CTNNA2: variants seen among roughly 807,000 people sequenced by gnomAD.
The protein encoded by CTNNA2 is catenin alpha 2, also known as catenin alpha-2.
CTNNA2 carries 42 observed loss-of-function variants against 101.0 expected under a neutral mutation model. That is an observed-to-expected ratio of 0.42 (90% CI 0.32 to 0.54). The LOEUF (loss-of-function observed/expected upper bound fraction) is 0.54, where lower values mean the gene tolerates loss of function less well. CTNNA2 is among the 20% of genes least tolerant of loss of function. The pLI is 0.14. For synonymous variants in CTNNA2, 450 were observed against 456.4 expected (o/e 0.99, Z 0.18); for missense variants, 871 against 1,223.1 (o/e 0.71, Z 4.29).
intron 7 of CTNNA2, among the ~76,000 whole-genome samples, chr2:80,380,681 A>G (rs1276995997): frequency 1.3e-5 from 2 of 152,108 alleles, no homozygotes; most frequent in Non-Finnish European, 2.9e-5. Context: ...GCCTGCAGAG[A>G]TTACAATGCA....
chr2:80,011,292 A>G (rs1030748121), intron 7 of CTNNA2, among the ~76,000 whole-genome samples: 17 of 152,158 alleles, frequency 1.1e-4, no homozygotes, highest in East Asian at 3.9e-4. Context: ...TTTTGTGGCT[A>G]TGTTATTCTT....
At chr2:79,308,782 GT>G (rs10691338) in intron 2 of CTNNA2, among the ~76,000 whole-genome samples, 10,876 of 136,270 alleles carry the variant, frequency 0.08, 465 homozygotes, top group African/African-American at 0.12. Context: ...TCATTTTATG[GT>G]TTTTTTTTTT....
chr2:79,510,835 G>T (rs1209464944), upstream of CTNNA2, among the ~76,000 whole-genome samples: 2 of 152,158 alleles, frequency 1.3e-5, no homozygotes, highest in Non-Finnish European at 2.9e-5. Context: ...CTACAGTTTT[G>T]AAAGTCACTA....
chr2:80,063,268 A>G (rs1697737981), intron 7 of CTNNA2, among the ~76,000 whole-genome samples: 1 of 151,892 alleles, frequency 6.6e-6, no homozygotes, highest in South Asian at 2.1e-4. Flanking sequence ...TTCTCTAGGC[A>G]ACTTCACATG....
At chr2:80,017,682 G>T (rs1032135585) in intron 7 of CTNNA2, among the ~76,000 whole-genome samples, 3 of 151,772 alleles carry the variant, frequency 2.0e-5, no homozygotes, top group African/African-American at 7.3e-5. Context: ...AGTCAATGTG[G>T]TATCCTTGTC....
intron 1 of CTNNA2, among the ~76,000 whole-genome samples, chr2:79,552,379 G>A (rs548840221): frequency 6.5e-4 from 99 of 152,224 alleles, no homozygotes; most frequent in Middle Eastern, 3.4e-3. Flanking sequence ...TGCTTCCACC[G>A]GTTGGCATTG....
chr2:79,792,725 A>ATTTTT lies in CTNNA2; in HGVS notation c.298+48143_298+48144insTTTTT, dbSNP rs1675382403. Among the ~76,000 whole-genome samples the ATTTTT allele has an allele frequency of 3.3e-5, 5 of 152,302 alleles. No homozygotes were observed. The South Asian group carries it at 1.0e-3, about 32-fold the overall frequency. ...ATGGTTTTGTGATATTAGAAAAATC[A>ATTTTT]CTTACCATTCTGCCCTCAGTTCCTA... On this transcript the variant is annotated intron_variant, in intron 3 of 18. Transcript: ENST00000402739.
chr2:80,150,895 A>T (rs1412107764), intron 7 of CTNNA2, among the ~76,000 whole-genome samples: 1 of 152,074 alleles, frequency 6.6e-6, no homozygotes, highest in East Asian at 1.9e-4. Context: ...AATGTGAGGG[A>T]TGGTCGTGGG....
Position 79,594,197 on chromosome 2 carries a change from T to A in CTNNA2, c.-5-57355T>A, listed in dbSNP as rs373037555. Among the ~76,000 whole-genome samples the A allele has an allele frequency of 3.3e-5, 5 of 152,200 alleles. No homozygotes were observed. In the East Asian group the frequency reaches 7.8e-4, roughly 24 times the overall value. ...GCCACCGCACCTGGCCTCTTTTACT[T>A]CTTTTTTATTGTTATGTGCTCAGTC... On this transcript the variant is annotated intron_variant, in intron 1 of 18. Coordinates refer to ENST00000402739, the MANE Select transcript of CTNNA2 (RefSeq NM_001282597.3).
intron 7 of CTNNA2, among the ~76,000 whole-genome samples, chr2:79,945,330 T>C (rs1688423611): frequency 6.6e-6 from 1 of 152,182 alleles, no homozygotes; most frequent in African/African-American, 2.4e-5. Context: ...AGTGAGCCAC[T>C]GTGCTTTGCC....
At chr2:80,619,022 C>CTTTTTTTTTTTTTTTTTTTT (rs56987036) in intron 17 of CTNNA2, 63 bp from the exon 18 acceptor site, 1 of 839,812 alleles carries the variant, frequency 1.2e-6, no homozygotes. Context: ...AAGTAGGGTA[C>CTTTTTTTTTTTTTTTTTTTT]TTTTTTTTTT....
At chr2:79,930,585 C>A (rs1472696532) in intron 7 of CTNNA2, among the ~76,000 whole-genome samples, 1 of 152,130 alleles carries the variant, frequency 6.6e-6, no homozygotes, top group Non-Finnish European at 1.5e-5. Flanking sequence ...AATCTGGCTA[C>A]CCACTATAGA....
intron 7 of CTNNA2, among the ~76,000 whole-genome samples, chr2:80,107,104 C>T (rs1226032757): frequency 6.6e-6 from 1 of 152,160 alleles, no homozygotes; most frequent in East Asian, 1.9e-4. Context: ...TCTAGGCAGA[C>T]AGGGCAGGTC....
At chr2:79,804,085 T>A (rs1186439385) in intron 3 of CTNNA2, among the ~76,000 whole-genome samples, 2 of 152,200 alleles carry the variant, frequency 1.3e-5, no homozygotes, top group Non-Finnish European at 2.9e-5. Context: ...TTTAAAAAGA[T>A]CAGAAATGCT....
intron 2 of CTNNA2, among the ~76,000 whole-genome samples, chr2:79,205,849 T>C (rs1436854197): frequency 6.6e-6 from 1 of 152,196 alleles, no homozygotes; most frequent in Admixed American, 6.5e-5. Flanking sequence ...GATACATCAA[T>C]CATTTGAAGA....
At chr2:80,060,593 C>T (rs533124647) in intron 7 of CTNNA2, among the ~76,000 whole-genome samples, 45 of 152,336 alleles carry the variant, frequency 3.0e-4, no homozygotes, top group African/African-American at 1.0e-3. Context: ...TCTCCCTCTG[C>T]TATGAAGAGT....
At chr2:80,567,144 T>C (rs1694133236) in intron 12 of CTNNA2, among the ~76,000 whole-genome samples, 2 of 152,294 alleles carry the variant, frequency 1.3e-5, no homozygotes, top group Admixed American at 6.5e-5. Flanking sequence ...CAAACATCTC[T>C]AAAAAGATTC....
chr2:80,257,884 G>T (rs796234108), intron 7 of CTNNA2, among the ~76,000 whole-genome samples: 1 of 152,320 alleles, frequency 6.6e-6, no homozygotes, highest in African/African-American at 2.4e-5. Flanking sequence ...CTTGCTTTCT[G>T]AATTTTATTT....
At chr2:79,543,560 A>G (rs1320333661) in intron 1 of CTNNA2, among the ~76,000 whole-genome samples, 1 of 152,146 alleles carries the variant, frequency 6.6e-6, no homozygotes, top group Non-Finnish European at 1.5e-5. Context: ...TCAATCTGAC[A>G]ACTTTTTTTT....
Sources: allele counts gnomAD v4.1 joint callset (sites outside exome capture counted in the v4.1 genomes callset), GRCh38; gene constraint gnomAD v4.1.1; transcripts MANE v1.5; gene names NCBI Gene and HGNC (gene_info 2026-07-23, HGNC 2026-07-21).